EIF2D: variants seen among roughly 807,000 people sequenced by gnomAD.
EIF2D encodes the protein hepatocellular carcinoma-associated antigen 56.
In EIF2D, 56 loss-of-function variants were observed where a neutral mutation model predicts 77.4. The ratio of observed to expected loss-of-function variants is 0.72; its 90% CI spans 0.58 to 0.90. EIF2D has a LOEUF of 0.90. Among genes scored for constraint, EIF2D ranks in the 40% least tolerant of loss-of-function variants. The pLI, the probability that EIF2D is intolerant of heterozygous loss-of-function variation, is 0.00. For synonymous variants in EIF2D, 230 were observed against 271.0 expected, an observed-to-expected ratio of 0.85 and a Z score of 1.49; for missense variants, 574 against 706.5, an observed-to-expected ratio of 0.81 and a Z score of 2.13.
chr1:206,584,322 G>A lies in EIF2D; in HGVS notation c.139-3160C>T, dbSNP rs1038163442. 59 of 1,500,958 alleles carry A rather than the reference G, an allele frequency of 3.9e-5. No individual in the cohort carries two copies. In the East Asian group the frequency reaches 6.2e-4, roughly 16 times the overall value. 93.0% of individuals were successfully genotyped at this position (1,500,958 alleles called of 1,614,324 possible). A position where few individuals can be genotyped will look rare whatever the true frequency, so the allele number is the denominator to read the frequency against. On this transcript the variant is annotated intron_variant and NMD_transcript_variant, in intron 2 of 5. Coordinates refer to the EIF2D transcript ENST00000472709. The surrounding 1 kb of genome is among the most constrained non-coding windows in gnomAD (Gnocchi z 4.9). Reference sequence around the variant, plus strand: ...TGGGTGCTGCTGGGGCAATGGCCCCGAGTGGCAGATATGATCATGCAAGGC... The same window carrying A: ...TGGGTGCTGCTGGGGCAATGGCCCCAAGTGGCAGATATGATCATGCAAGGC...
downstream of EIF2D, chr1:206,586,777 C>T (rs1553407729): frequency 1.3e-6 from 2 of 1,484,152 alleles, no homozygotes; most frequent in East Asian, 2.3e-5. Context: ...CAACTTCTAA[C>T]CTGTCTCCTA....
Position 206,584,039 on chromosome 1 carries a change from G to T in EIF2D, c.139-2877C>A, listed in dbSNP as rs1283887897. On this transcript the variant is annotated intron_variant and NMD_transcript_variant, in intron 2 of 5. Transcript: ENST00000472709. The surrounding 1 kb of genome is among the most constrained non-coding windows in gnomAD (Gnocchi z 4.9). The stretch of plus-strand genomic sequence containing the variant: ...TATAGAGCCTTCCTGCTTCCTGCCT[G>T]GTTCAGAGGTACAAACTAGAGTGGC... Among the ~76,000 whole-genome samples, 1 of 152,168 alleles carries T rather than the reference G, an allele frequency of 6.6e-6. No homozygotes were observed. The highest frequency in any genetic ancestry group is 1.5e-5 in the Non-Finnish European group (1 of 68,024).
intron 11 of EIF2D, 97 bp downstream of exon 11, chr1:206,598,906 T>C (rs1199479848): frequency 8.0e-7 from 1 of 1,247,404 alleles, no homozygotes; most frequent in Middle Eastern, 1.9e-4. Flanking sequence ...ATGCTATGGT[T>C]TTCTATTCTC....
chr1:206,596,174 C>T (rs1669636445), intron 12 of EIF2D, among the ~76,000 whole-genome samples: 1 of 152,224 alleles, frequency 6.6e-6, no homozygotes, highest in South Asian at 2.1e-4. Context: ...GAGGCTACTA[C>T]CTGTCTCAAG....
At chr1:206,600,079 A>G (rs1669849167) in intron 8 of EIF2D, among the ~76,000 whole-genome samples, 184 bp downstream of exon 8, 1 of 152,186 alleles carries the variant, frequency 6.6e-6, no homozygotes, top group Non-Finnish European at 1.5e-5. Context: ...GAGAAAGGAA[A>G]GTGGGTGCCA....
At chr1:206,569,937 C>T (rs541497110), downstream of EIF2D, among the ~76,000 whole-genome samples, 2 of 152,252 alleles carry the variant, frequency 1.3e-5, no homozygotes, top group South Asian at 2.1e-4. Context: ...GTGGCATTGA[C>T]TCCTCGCTTG....
At chr1:206,576,376 T>C (rs1668659752) in intron 4 of EIF2D, among the ~76,000 whole-genome samples, 1 of 152,230 alleles carries the variant, frequency 6.6e-6, no homozygotes, top group South Asian at 2.1e-4. Flanking sequence ...CCTAGCTGTC[T>C]ACCTCCATCC....
At chr1:206,571,331 C>CTTA (rs1572350958) in exon 6 of EIF2D, 1 of 151,904 alleles carries the variant, frequency 6.6e-6, no homozygotes, top group East Asian at 1.9e-4. Flanking sequence ...ATATCAATCC[C>CTTA]TTATGGCATA....
At chr1:206,591,890 C>T in intron 14 of EIF2D, 45 bp from the exon 15 acceptor site, 4 of 1,604,700 alleles carry the variant, frequency 2.5e-6, no homozygotes, top group Non-Finnish European at 3.4e-6. Context: ...CATGACCTTG[C>T]TCCCCGGCTG....
intron 2 of EIF2D, among the ~76,000 whole-genome samples, chr1:206,610,859 T>A (rs1325400078): frequency 3.9e-5 from 6 of 152,182 alleles, no homozygotes; most frequent in Non-Finnish European, 7.3e-5. Context: ...TTTCAAGACC[T>A]CTGCTCTATT....
chr1:206,587,561 A>G (rs2102265336), downstream of EIF2D: 1 of 159,526 alleles, frequency 6.3e-6, no homozygotes, highest in South Asian at 1.8e-4. Flanking sequence ...TGCTCAGGGT[A>G]AGGAGCACCA....
downstream of EIF2D, among the ~76,000 whole-genome samples, chr1:206,570,077 CCTTTT>C (rs1558516746): frequency 9.3e-6 from 1 of 106,964 alleles, no homozygotes; most frequent in African/African-American, 3.5e-5. Flanking sequence ...ATAAAATTTA[CCTTTT>C]TTTTTTTTTT....
In EIF2D at chr1:206,601,879, G is replaced by C. The variant is rs941709501; in HGVS notation, c.902+457C>G. 3 of 162,754 alleles carry C rather than the reference G, an allele frequency of 1.8e-5. No homozygotes were observed. The East Asian group carries it at 5.5e-4, about 30-fold the overall frequency. 10.1% of individuals were successfully genotyped at this position (162,754 alleles called of 1,614,324 possible). The stretch of plus-strand genomic sequence containing the variant: ...TTTTGGATGGGGTGGGCCGGGACGG[G>C]GGGTGTTCACACCAATTCTTCCTCC... On this transcript the variant is annotated intron_variant, in intron 7 of 14. Coordinates refer to ENST00000271764, the MANE Select transcript of EIF2D (RefSeq NM_006893.3).
Position 206,599,803 on chromosome 1 carries a change from G to T in EIF2D, c.982C>A (p.Gln328Lys), listed in dbSNP as rs145540129. Reference sequence around the variant, plus strand: ...CTCAGCTCCTTCACCTGTATAATCTGCTCCTGCTGCATTTGCTGCAGGAAC... The same window carrying T: ...CTCAGCTCCTTCACCTGTATAATCTTCTCCTGCTGCATTTGCTGCAGGAAC... ...SKFLQQMQQE[Q>K]IIQVKELSKG... Residue 328 changes from glutamine (Q) to lysine (K), a missense_variant, in exon 9 of 15, where the codon CAG becomes AAG. Transcript: ENST00000271764. This position sits in a 1 kb window ranked among gnomAD's most constrained non-coding sequence, Gnocchi z 4.1. 5.8e-4 allele frequency: 942 copies of T among 1,613,928 alleles called. 3 individuals carry two copies. Among genetic ancestry groups the T allele is most frequent in the South Asian group, 9.9e-4 (90 of 91,074 alleles).
chr1:206,572,064 C>T (rs1319438831), intron 5 of EIF2D, among the ~76,000 whole-genome samples: 1 of 152,214 alleles, frequency 6.6e-6, no homozygotes, highest in East Asian at 1.9e-4. Flanking sequence ...ACAGAATTCT[C>T]ATCTGGTGTT....
At chr1:206,572,486 G>C (rs1381771412) in intron 5 of EIF2D, 1 of 152,142 alleles carries the variant, frequency 6.6e-6, no homozygotes, top group African/African-American at 2.4e-5. Flanking sequence ...CTGGGGCTAG[G>C]GTAACCAAAT....
chr1:206,600,202 T>A, intron 8 of EIF2D, 61 bp downstream of exon 8: 1 of 1,530,022 alleles, frequency 6.5e-7, no homozygotes, highest in Non-Finnish European at 9.0e-7. Flanking sequence ...CCATCTGGCT[T>A]ATGTCATATG....
chr1:206,595,724 A>C lies in EIF2D; in HGVS notation c.1503T>G (p.Asn501Lys). The C allele has an allele frequency of 6.2e-7, 1 of 1,613,186 alleles. No individual in the cohort carries two copies. Among genetic ancestry groups the C allele is most frequent in the South Asian group, 1.1e-5 (1 of 91,028 alleles). ...TGTGTCTTTCTAAAATTACCTTTTTATTAGACGCTCTTTGTGCTAGGGTGA... is the reference window on the plus strand; with the variant it reads ...TGTGTCTTTCTAAAATTACCTTTTTCTTAGACGCTCTTTGTGCTAGGGTGA... Reference protein sequence around the residue: ...IDITLAQRASNKKVTVVRNLE... With the variant: ...IDITLAQRASKKKVTVVRNLE... Residue 501 changes from asparagine to lysine, a missense_variant, in exon 13 of 15, where the codon AAT (asparagine) becomes AAG (lysine). Physicochemically the swap from Asn to Lys is moderately conservative, Grantham distance 94. Coordinates refer to ENST00000271764, the MANE Select transcript of EIF2D (RefSeq NM_006893.3).
chr1:206,592,616 G>A lies in EIF2D; in HGVS notation c.1685-771C>T, dbSNP rs1478710757. Among the ~76,000 whole-genome samples the A allele has an allele frequency of 6.6e-6, 1 of 152,232 alleles. No homozygotes were observed. The highest frequency in any genetic ancestry group is 1.5e-5 in the Non-Finnish European group (1 of 68,024). ...GAGAGAGCCTGGCAGGGAAGGCTGG[G>A]GTCAGGCTGGGAGGGTCTTGTTTAT... On this transcript the variant is annotated intron_variant, in intron 14 of 14. Coordinates refer to ENST00000271764, the MANE Select transcript of EIF2D (RefSeq NM_006893.3). This position sits in a 1 kb window ranked among gnomAD's most constrained non-coding sequence, Gnocchi z 4.7.
Sources: allele counts gnomAD v4.1 joint callset (sites outside exome capture counted in the v4.1 genomes callset), GRCh38; gene constraint gnomAD v4.1.1; non-coding constraint Gnocchi (gnomAD v3.1); transcripts MANE v1.5; gene names NCBI Gene and HGNC (gene_info 2026-07-23, HGNC 2026-07-21).